Variants in RHOBTB1 observed in about 807,000 individuals in gnomAD.
The protein encoded by RHOBTB1 is rho-related BTB domain-containing protein 1.
RHOBTB1 carries 40 observed loss-of-function variants against 71.6 expected under a neutral mutation model. That is an observed-to-expected ratio of 0.56 (90% CI 0.43 to 0.73). The LOEUF is 0.73. RHOBTB1 is among the 30% of genes least tolerant of loss of function. RHOBTB1 has a pLI of 0.00. For synonymous variants in RHOBTB1, 319 were observed against 334.9 expected (o/e 0.95, Z 0.52); for missense variants, 797 against 894.0 (o/e 0.89, Z 1.38).
At position 60,927,389 on chromosome 10, in the gene RHOBTB1, T is replaced by G. The variant is rs1245793192; in HGVS notation, c.-11+14415A>C. On this transcript the variant is annotated intron_variant, in intron 2 of 10. Transcript: ENST00000337910. ...TCCTTCAATCCAGTCAAGTTGACAC[T>G]CAGTATTAACCATAACAGCTAACCT... 2.0e-5 allele frequency among the ~76,000 whole-genome samples: 3 copies of G among 152,050 alleles called. No homozygotes were observed. In the East Asian group the frequency reaches 5.8e-4, roughly 29 times the overall value.
At chr10:60,873,954 G>A (rs1003465468) in intron 9 of RHOBTB1, among the ~76,000 whole-genome samples, 3 of 152,200 alleles carry the variant, frequency 2.0e-5, no homozygotes, top group Admixed American at 1.3e-4. Flanking sequence ...TGAATAGGTC[G>A]CTGTAAAGTT....
intron 5 of RHOBTB1, among the ~76,000 whole-genome samples, chr10:60,889,995 C>A (rs1487677803): frequency 6.6e-6 from 1 of 152,134 alleles, no homozygotes; most frequent in Non-Finnish European, 1.5e-5. Context: ...ATACATTTTT[C>A]ATGTAAGCCT....
intron 2 of RHOBTB1, among the ~76,000 whole-genome samples, chr10:60,958,711 C>T (rs370205291): frequency 6.6e-6 from 1 of 152,094 alleles, no homozygotes; most frequent in East Asian, 1.9e-4. Context: ...GGTGATCCTC[C>T]TACCTGAGTC....
intron 2 of RHOBTB1, among the ~76,000 whole-genome samples, chr10:60,983,032 A>G (rs1436062733): frequency 6.6e-6 from 1 of 151,974 alleles, no homozygotes; most frequent in African/African-American, 2.4e-5. Context: ...GAAACTAATG[A>G]AAAAAAATTA....
intron 7 of RHOBTB1, among the ~76,000 whole-genome samples, chr10:60,883,746 T>C (rs2081436919): frequency 6.6e-6 from 1 of 152,182 alleles, no homozygotes; most frequent in African/African-American, 2.4e-5. Flanking sequence ...TACTATTTAT[T>C]GAATGCTTCT....
chr10:60,874,923 C>T (rs1435640231), intron 9 of RHOBTB1, 31 bp downstream of exon 9: 13 of 1,457,032 alleles, frequency 8.9e-6, no homozygotes, highest in Non-Finnish European at 1.3e-5. Flanking sequence ...ATTGAACACA[C>T]TTAAAAGGTA....
intron 4 of RHOBTB1, among the ~76,000 whole-genome samples, chr10:60,900,594 C>G (rs12261549): frequency 6.6e-6 from 1 of 152,016 alleles, no homozygotes; most frequent in African/African-American, 2.4e-5. Context: ...TCTCATTGTG[C>G]GCACACAGTG....
chr10:60,899,710 T>C (rs1349749841), intron 4 of RHOBTB1, among the ~76,000 whole-genome samples: 5 of 152,184 alleles, frequency 3.3e-5, no homozygotes, highest in Non-Finnish European at 7.3e-5. Flanking sequence ...CTTCTAGACA[T>C]TGGGGATAGA....
intron 4 of RHOBTB1, among the ~76,000 whole-genome samples, chr10:60,897,605 T>C (rs919885963): frequency 1.3e-5 from 2 of 152,162 alleles, no homozygotes; most frequent in African/African-American, 4.8e-5. Context: ...AAGCTATGAG[T>C]GGGACAGCCA....
downstream of RHOBTB1, among the ~76,000 whole-genome samples, chr10:60,867,956 CGACTT>C (rs1403179097): frequency 6.6e-6 from 1 of 152,176 alleles, no homozygotes; most frequent in Non-Finnish European, 1.5e-5. Context: ...AGTAATCTCT[CGACTT>C]AAGTTAGCAC....
chr10:60,985,293 A>G (rs528033717), intron 2 of RHOBTB1, among the ~76,000 whole-genome samples: 24 of 152,340 alleles, frequency 1.6e-4, no homozygotes, highest in African/African-American at 4.3e-4. Flanking sequence ...CTCTGGGGAA[A>G]AAACTCAATA....
At chr10:60,926,822 G>A (rs931500772) in intron 2 of RHOBTB1, among the ~76,000 whole-genome samples, 1 of 152,152 alleles carries the variant, frequency 6.6e-6, no homozygotes, top group Non-Finnish European at 1.5e-5. Context: ...TCTGGAAGAA[G>A]ACTAGCATGC....
At chr10:60,867,681 G>T (rs1442445222), downstream of RHOBTB1, among the ~76,000 whole-genome samples, 1 of 152,172 alleles carries the variant, frequency 6.6e-6, no homozygotes, top group Non-Finnish European at 1.5e-5. Context: ...TGTTAGCCCA[G>T]TAAAAAACTA....
intron 2 of RHOBTB1, among the ~76,000 whole-genome samples, chr10:60,977,530 G>T (rs1164976102): frequency 1.3e-5 from 2 of 152,030 alleles, no homozygotes; most frequent in African/African-American, 2.4e-5. Context: ...ACAGGCAGAG[G>T]CAAATGATAA....
downstream of RHOBTB1, among the ~76,000 whole-genome samples, chr10:60,866,624 T>C (rs2080636181): frequency 6.6e-6 from 1 of 151,996 alleles, no homozygotes; most frequent in Admixed American, 6.6e-5. Flanking sequence ...GAAAACGAAT[T>C]GCTCCCGAGT....
chr10:60,866,299 G>A (rs933729640), downstream of RHOBTB1, among the ~76,000 whole-genome samples: 2 of 152,202 alleles, frequency 1.3e-5, no homozygotes, highest in Non-Finnish European at 2.9e-5. Flanking sequence ...TGGACTAGAT[G>A]CACACATTGT....
intron 2 of RHOBTB1, 33 bp from the exon 3 acceptor site, chr10:60,911,585 C>A: frequency 1.3e-6 from 2 of 1,555,890 alleles, no homozygotes; most frequent in Non-Finnish European, 1.8e-6. Flanking sequence ...ACAGTAAGGA[C>A]ACCAAGGCTT....
intron 2 of RHOBTB1, among the ~76,000 whole-genome samples, chr10:60,927,071 C>T (rs1469202430): frequency 2.6e-5 from 4 of 151,972 alleles, no homozygotes; most frequent in African/African-American, 9.7e-5. Context: ...TGCTATATGC[C>T]AACAATGAAC....
rs1471331312 is a variant in RHOBTB1 at position 60,869,872 on chromosome 10, ATCT to A, written c.*1607_*1609del. 4.6e-5 allele frequency: 7 copies of A among 152,604 alleles called. No homozygotes were observed. Among genetic ancestry groups the A allele is most frequent in the African/African-American group, 1.7e-4 (7 of 41,430 alleles). 9.5% of individuals were successfully genotyped at this position (152,604 alleles called of 1,614,324 possible). On this transcript the variant is annotated 3_prime_UTR_variant, in exon 11 of 11. Transcript: ENST00000337910. The stretch of plus-strand genomic sequence containing the variant: ...GATGCATTTCTGGGCCTCTCCTAAG[ATCT>A]TCTATCTGGTGTTTCCACTGCCAGT...
Sources: gnomAD v4.1 joint callset for allele counts (sites outside exome capture counted in the v4.1 genomes callset) on GRCh38, gnomAD v4.1.1 for gene constraint, MANE v1.5 for transcripts, NCBI Gene and HGNC (gene_info 2026-07-23, HGNC 2026-07-21) for gene names.